The following ZPBP variants were observed in gnomAD, a reference collection of about 807,000 sequenced individuals.
ZPBP encodes the protein zona pellucida binding protein.
In ZPBP, 26 loss-of-function variants were observed where a neutral mutation model predicts 44.8. The observed-to-expected ratio is 0.58, with a 90% confidence interval of 0.43 to 0.81. ZPBP has a LOEUF of 0.81. Among genes scored for constraint, ZPBP ranks in the 30% least tolerant of loss-of-function variants. ZPBP has a pLI of 0.00. For missense variants in ZPBP, 409 were observed against 434.0 expected (o/e 0.94, Z 0.51); for synonymous variants, 174 against 153.2 (o/e 1.14, Z -1.00).
chr7:50,074,736 T>A (rs556337879), intron 3 of ZPBP, among the ~76,000 whole-genome samples: 1 of 152,014 alleles, frequency 6.6e-6, no homozygotes, highest in South Asian at 2.1e-4. Flanking sequence ...TAAATACGTA[T>A]ACACCCAACA....
chr7:49,998,440 TG>T (rs1318020847), intron 6 of ZPBP, among the ~76,000 whole-genome samples: 1 of 152,198 alleles, frequency 6.6e-6, no homozygotes, highest in African/African-American at 2.4e-5. Context: ...TTTACTATTT[TG>T]TCCAGTGACA....
At chr7:50,093,008 G>T in intron 1 of ZPBP, 60 bp downstream of exon 1, 2 of 1,562,540 alleles carry the variant, frequency 1.3e-6, no homozygotes, top group Admixed American at 1.9e-5. Flanking sequence ...AAGGCAATTC[G>T]AAGAGTGGGG....
intron 2 of ZPBP, among the ~76,000 whole-genome samples, chr7:50,087,637 A>G (rs1802732251): frequency 6.6e-6 from 1 of 152,042 alleles, no homozygotes; most frequent in African/African-American, 2.4e-5. Flanking sequence ...CTAGCAATGA[A>G]CAATCCAAAA....
chr7:49,908,452 A>G (rs1189808828), intron 1 of ZPBP, among the ~76,000 whole-genome samples: 1 of 152,232 alleles, frequency 6.6e-6, no homozygotes, highest in Non-Finnish European at 1.5e-5. Flanking sequence ...AAATAAGTAA[A>G]TATGTTAAAA....
chr7:49,951,213 T>C (rs535514864), intron 7 of ZPBP, among the ~76,000 whole-genome samples: 2 of 151,920 alleles, frequency 1.3e-5, no homozygotes, highest in East Asian at 3.9e-4. Flanking sequence ...AAAATAAATA[T>C]AAACTGGACT....
intron 5 of ZPBP, among the ~76,000 whole-genome samples, chr7:50,024,002 T>C (rs1266106567): frequency 6.6e-6 from 1 of 151,734 alleles, no homozygotes; most frequent in African/African-American, 2.4e-5. Flanking sequence ...AATAATAGCA[T>C]AAGTTGTATA....
At chr7:49,883,145 C>T (rs1402713313) in intron 2 of ZPBP, among the ~76,000 whole-genome samples, 1 of 152,022 alleles carries the variant, frequency 6.6e-6, no homozygotes, top group Non-Finnish European at 1.5e-5. Flanking sequence ...GAGGAAGGCG[C>T]AGGGAGCTGT....
chr7:50,069,853 CCTAT>C (rs1312905665), intron 3 of ZPBP, among the ~76,000 whole-genome samples: 2 of 152,070 alleles, frequency 1.3e-5, no homozygotes, highest in Non-Finnish European at 2.9e-5. Context: ...CGAAGCTGGT[CCTAT>C]CAGCCTTATG....
chr7:49,885,278 TA>T (rs1791848971), intron 2 of ZPBP, among the ~76,000 whole-genome samples: 1 of 152,116 alleles, frequency 6.6e-6, no homozygotes, highest in Non-Finnish European at 1.5e-5. Flanking sequence ...AATTGGCACA[TA>T]AAATGAGAGG....
At chr7:50,025,113 G>A (rs1310906614) in intron 5 of ZPBP, among the ~76,000 whole-genome samples, 1 of 151,644 alleles carries the variant, frequency 6.6e-6, no homozygotes, top group African/African-American at 2.4e-5. Context: ...GAGGAAAACT[G>A]TAAAACTCTG....
intron 2 of ZPBP, among the ~76,000 whole-genome samples, chr7:49,886,097 C>G (rs1247100892): frequency 6.6e-6 from 1 of 152,188 alleles, no homozygotes; most frequent in Admixed American, 6.5e-5. Flanking sequence ...GGAGGCGTCA[C>G]CAGGTGCTGG....
At chr7:50,060,862 A>G (rs1051032160) in intron 3 of ZPBP, among the ~76,000 whole-genome samples, 1 of 152,206 alleles carries the variant, frequency 6.6e-6, no homozygotes, top group African/African-American at 2.4e-5. Context: ...AAAATGAAAA[A>G]AGAAATTTTA....
At chr7:49,952,535 T>C (rs1421077609) in intron 7 of ZPBP, among the ~76,000 whole-genome samples, 3 of 151,988 alleles carry the variant, frequency 2.0e-5, no homozygotes, top group Non-Finnish European at 2.9e-5. Flanking sequence ...TTTTAATAAA[T>C]AGAAACTCTC....
At chr7:49,846,321 C>T (rs967430179), downstream of ZPBP, among the ~76,000 whole-genome samples, 2 of 152,194 alleles carry the variant, frequency 1.3e-5, no homozygotes, top group Non-Finnish European at 2.9e-5. Flanking sequence ...CAACAACAAA[C>T]ATAGGTCTTT....
At chr7:49,983,761 G>T (rs1797131875) in intron 6 of ZPBP, among the ~76,000 whole-genome samples, 2 of 151,818 alleles carry the variant, frequency 1.3e-5, no homozygotes, top group Admixed American at 1.3e-4. Flanking sequence ...TTTCTTTTTG[G>T]TCCCTTTGTA....
At chr7:49,843,686 G>A in the ZPBP span, among the ~76,000 whole-genome samples, 1 of 152,206 alleles carries the variant, frequency 6.6e-6, no homozygotes, top group Non-Finnish European at 1.5e-5. Flanking sequence ...GTTGGTTGGG[G>A]AGCAGCAACA....
At chr7:49,981,054 T>C (rs1403621550) in intron 7 of ZPBP, among the ~76,000 whole-genome samples, 2 of 149,930 alleles carry the variant, frequency 1.3e-5, no homozygotes, top group Non-Finnish European at 3.0e-5. Context: ...AAAGTTATAT[T>C]AGGAAATAGA....
chr7:49,968,862 A>T (rs1299943370), intron 7 of ZPBP, among the ~76,000 whole-genome samples: 1 of 152,036 alleles, frequency 6.6e-6, no homozygotes, highest in East Asian at 1.9e-4. Context: ...AGCATACTAC[A>T]TATCAGGAGA....
At chr7:49,858,098 T>C (rs1035284443) in intron 2 of ZPBP, among the ~76,000 whole-genome samples, 16 of 152,202 alleles carry the variant, frequency 1.1e-4, no homozygotes, top group African/African-American at 2.9e-4. Flanking sequence ...GTTGAACTAG[T>C]TTACAGTCCC....
Sources: gnomAD v4.1 joint callset for allele counts (sites outside exome capture counted in the v4.1 genomes callset) on GRCh38, gnomAD v4.1.1 for gene constraint, MANE v1.5 for transcripts, NCBI Gene and HGNC (gene_info 2026-07-23, HGNC 2026-07-21) for gene names.